NBEA: variants seen among roughly 807,000 people sequenced by gnomAD.
NBEA encodes the protein lysosomal-trafficking regulator 2.
Under a neutral mutation model 343.4 loss-of-function variants are expected in NBEA, and 44 were observed. The ratio of observed to expected loss-of-function variants is 0.13; its 90% CI spans 0.10 to 0.16. The LOEUF is 0.16. Among genes scored for constraint, NBEA ranks in the 10% least tolerant of loss-of-function variants. The probability of loss-of-function intolerance (pLI) is 1.00; values close to 1 mark genes in which losing one functional copy is unlikely to be tolerated. For missense variants in NBEA, 2,555 were observed against 3,631.3 expected (o/e 0.70, Z 7.62); for synonymous variants, 1,175 against 1,238.7 (o/e 0.95, Z 1.08).
At chr13:35,170,812 T>C (rs1026191085) in intron 25 of NBEA, among the ~76,000 whole-genome samples, 1 of 151,822 alleles carries the variant, frequency 6.6e-6, no homozygotes, top group Non-Finnish European at 1.5e-5. Context: ...CTAAGTTAAA[T>C]TACCATGTAT....
At chr13:35,235,453 A>G (rs2075181714) in intron 34 of NBEA, among the ~76,000 whole-genome samples, 1 of 152,252 alleles carries the variant, frequency 6.6e-6, no homozygotes, top group Non-Finnish European at 1.5e-5. Context: ...GACCAAAGAC[A>G]TAATAAAATA....
chr13:35,636,669 G>A (rs917053403), intron 49 of NBEA, among the ~76,000 whole-genome samples: 1 of 152,090 alleles, frequency 6.6e-6, no homozygotes, highest in Non-Finnish European at 1.5e-5. Context: ...ATAGAGTTTA[G>A]TTTATATAAA....
At chr13:35,329,373 C>T (rs759724322) in intron 36 of NBEA, among the ~76,000 whole-genome samples, 8 of 151,950 alleles carry the variant, frequency 5.3e-5, no homozygotes, top group Admixed American at 3.3e-4. Flanking sequence ...AATAAGTCCA[C>T]ATTAAGACCT....
At chr13:35,126,235 A>G (rs949393923) in intron 17 of NBEA, among the ~76,000 whole-genome samples, 7 of 152,070 alleles carry the variant, frequency 4.6e-5, no homozygotes, top group African/African-American at 1.7e-4. Context: ...CCCTGTGAAG[A>G]AGGTGCCTAC....
At chr13:35,128,175 T>A (rs535144696) in intron 17 of NBEA, among the ~76,000 whole-genome samples, 57 of 151,748 alleles carry the variant, frequency 3.8e-4, no homozygotes, top group African/African-American at 1.3e-3. Context: ...GCATGGCACA[T>A]GTATACCTAC....
intron 43 of NBEA, among the ~76,000 whole-genome samples, chr13:35,552,778 T>A (rs1179166011): frequency 6.6e-6 from 1 of 152,258 alleles, no homozygotes. Context: ...TTGACTTGTC[T>A]GGACCGGAAT....
At chr13:35,273,898 A>G (rs932711850) in intron 34 of NBEA, among the ~76,000 whole-genome samples, 56 of 152,208 alleles carry the variant, frequency 3.7e-4, no homozygotes, top group African/African-American at 1.2e-3. Flanking sequence ...AAAAAAGTCC[A>G]GGACCAGACA....
At chr13:35,228,512 C>A (rs1390249261) in intron 33 of NBEA, among the ~76,000 whole-genome samples, 1 of 151,702 alleles carries the variant, frequency 6.6e-6, no homozygotes, top group African/African-American at 2.4e-5. Context: ...TAAGTAATTT[C>A]TTACCTCTCG....
intron 38 of NBEA, among the ~76,000 whole-genome samples, chr13:35,376,458 T>G (rs1196261782): frequency 6.6e-6 from 1 of 152,106 alleles, no homozygotes; most frequent in Non-Finnish European, 1.5e-5. Flanking sequence ...TAAAATATAA[T>G]TATAGTGTTA....
chr13:35,574,428 A>T (rs1030561907), intron 45 of NBEA, among the ~76,000 whole-genome samples: 3 of 152,030 alleles, frequency 2.0e-5, no homozygotes, highest in African/African-American at 7.2e-5. Flanking sequence ...GAAAAAGAAA[A>T]AAGAAAAACT....
At chr13:35,546,786 C>G (rs2079081992) in intron 41 of NBEA, among the ~76,000 whole-genome samples, 1 of 152,054 alleles carries the variant, frequency 6.6e-6, no homozygotes, top group Non-Finnish European at 1.5e-5. Flanking sequence ...AACTCCTGAC[C>G]TTGTGATCCA....
chr13:35,110,160 C>T (rs2066127050), intron 12 of NBEA, among the ~76,000 whole-genome samples: 1 of 149,046 alleles, frequency 6.7e-6, no homozygotes, highest in South Asian at 2.1e-4. Context: ...CACCCACTAA[C>T]GTGTCATCTA....
chr13:35,191,508 C>T (rs572389808), intron 30 of NBEA, among the ~76,000 whole-genome samples: 12 of 151,948 alleles, frequency 7.9e-5, no homozygotes, highest in East Asian at 1.9e-4. Flanking sequence ...TATAAATAAT[C>T]GCAAATAATT....
chr13:35,311,334 A>T (rs919872395), intron 36 of NBEA, among the ~76,000 whole-genome samples: 12 of 151,330 alleles, frequency 7.9e-5, no homozygotes, highest in Non-Finnish European at 1.2e-4. Context: ...TATATATATA[A>T]AATTATTATT....
intron 38 of NBEA, among the ~76,000 whole-genome samples, chr13:35,384,666 C>T (rs901802670): frequency 1.3e-5 from 2 of 151,462 alleles, no homozygotes; most frequent in Non-Finnish European, 2.9e-5. Flanking sequence ...GCTAGAATTA[C>T]AAGCACCTGC....
chr13:35,153,575 T>C (rs972054401), intron 18 of NBEA, among the ~76,000 whole-genome samples: 4 of 152,224 alleles, frequency 2.6e-5, no homozygotes, highest in Non-Finnish European at 1.5e-5. Context: ...TTTGAATATG[T>C]TATAGTTTTC....
intron 11 of NBEA, among the ~76,000 whole-genome samples, chr13:35,108,573 T>C (rs2066033335): frequency 6.6e-6 from 1 of 152,126 alleles, no homozygotes; most frequent in Non-Finnish European, 1.5e-5. Flanking sequence ...AAAAATATTC[T>C]GAGCTGGAAA....
intron 40 of NBEA, among the ~76,000 whole-genome samples, chr13:35,470,093 T>A (rs562656462): frequency 6.6e-6 from 1 of 152,356 alleles, no homozygotes; most frequent in African/African-American, 2.4e-5. Context: ...GAAGTTGTAA[T>A]TGGAGATTTC....
chr13:35,501,056 A>T (rs191475126), intron 41 of NBEA, among the ~76,000 whole-genome samples: 7 of 152,220 alleles, frequency 4.6e-5, no homozygotes, highest in Admixed American at 4.6e-4. Flanking sequence ...CCTTGAGCAA[A>T]GCTTTGTGCT....
Sources: gnomAD v4.1 joint callset for allele counts (sites outside exome capture counted in the v4.1 genomes callset) on GRCh38, gnomAD v4.1.1 for gene constraint, MANE v1.5 for transcripts, NCBI Gene and HGNC (gene_info 2026-07-23, HGNC 2026-07-21) for gene names.